The following ASL variants were observed in gnomAD, a reference collection of about 807,000 sequenced individuals.
The protein encoded by ASL is argininosuccinate lyase, also known as argininosuccinase.
A neutral mutation model predicts 69.1 loss-of-function variants in ASL; 51 were observed. The ratio of observed to expected loss-of-function variants is 0.74; its 90% CI spans 0.59 to 0.93. The LOEUF (loss-of-function observed/expected upper bound fraction) is 0.93. Among genes scored for constraint, ASL ranks in the 40% least tolerant of loss-of-function variants. The pLI is 0.00. For synonymous variants in ASL, 241 were observed against 247.6 expected (o/e 0.97, Z 0.25); for missense variants, 540 against 623.9 (o/e 0.87, Z 1.43).
intron 5 of ASL, 37 bp downstream of exon 5, chr7:66,082,973 C>G: frequency 1.2e-6 from 2 of 1,612,216 alleles, no homozygotes; most frequent in South Asian, 2.2e-5. Flanking sequence ...CCGTGTTGTC[C>G]CAACCTTGAG....
At chr7:66,081,247 C>T (rs1480635063) in intron 2 of ASL, among the ~76,000 whole-genome samples, 2 of 152,064 alleles carry the variant, frequency 1.3e-5, no homozygotes, top group East Asian at 3.9e-4. Context: ...CAGGCCCTGC[C>T]ATCATCTCCT....
At position 66,092,233 on chromosome 7, in the gene ASL, C is replaced by T. The variant is rs536133759; in HGVS notation, c.1143+147C>T. 1,416 of 921,686 alleles carry T rather than the reference C, an allele frequency of 1.5e-3. 25 individuals carry two copies. Among genetic ancestry groups the T allele is most frequent in the South Asian group, 0.014 (972 of 68,194 alleles). The allele number at this position is 921,686 out of a possible 1,614,324, so 57.1% of individuals were successfully genotyped here. ...TTGGGAAGCCGAGGTGGGCGGGTCA[C>T]TTGAGGCCAGGAGTTCGAGACCAGC... On this transcript the variant is annotated intron_variant, in intron 15 of 16. Coordinates refer to ENST00000304874, the MANE Select transcript of ASL (RefSeq NM_000048.4).
rs1786756422 is a variant in ASL at position 66,089,022 on chromosome 7, G to A, written c.834-69G>A. The A allele has an allele frequency of 2.5e-6, 4 of 1,610,748 alleles. No individual in the cohort carries two copies. The East Asian group carries it at 8.9e-5, about 36-fold the overall frequency. ...TCCTCCCCGTCCCACCCCTCCGCCA[G>A]ACCTGGCCATTGCGGCGCTGGACCA... On this transcript the variant is annotated intron_variant, in intron 11 of 16. Coordinates refer to ENST00000304874, the MANE Select transcript of ASL (RefSeq NM_000048.4).
At chr7:66,077,497 G>GGT (rs201866861) in intron 2 of ASL, among the ~76,000 whole-genome samples, 1,835 of 152,278 alleles carry the variant, frequency 0.012, 16 homozygotes, top group Middle Eastern at 0.041. Flanking sequence ...GGGAGGTCGA[G>GGT]GTGGGCAGAT....
intron 14 of ASL, among the ~76,000 whole-genome samples, chr7:66,091,121 G>A (rs1167408): frequency 0.65 from 94,223 of 145,678 alleles, 30,978 homozygotes; most frequent in African/African-American, 0.75. Flanking sequence ...AAAAAAAAAG[G>A]CAGTGTTTCT....
intron 2 of ASL, among the ~76,000 whole-genome samples, chr7:66,077,708 G>T (rs1344975214): frequency 2.6e-5 from 4 of 151,964 alleles, no homozygotes; most frequent in Non-Finnish European, 5.9e-5. Context: ...CAGCCTGGGC[G>T]ACAAAGCAAG....
intron 2 of ASL, among the ~76,000 whole-genome samples, 160 bp downstream of exon 2, chr7:66,076,253 C>A (rs1275470801): frequency 2.6e-5 from 4 of 152,200 alleles, no homozygotes; most frequent in African/African-American, 9.6e-5. Flanking sequence ...GGCGCATCAT[C>A]TGGAGCCCAG....
chr7:66,082,777 G>C lies in ASL; in HGVS notation c.292-103G>C, dbSNP rs1343480820. 6 of 1,383,748 alleles carry C rather than the reference G, an allele frequency of 4.3e-6. No homozygotes were observed. The East Asian group carries it at 9.5e-5, about 22-fold the overall frequency. 85.7% of individuals were successfully genotyped at this position (1,383,748 alleles called of 1,614,324 possible). On this transcript the variant is annotated intron_variant, in intron 4 of 16. Coordinates refer to ENST00000304874, the MANE Select transcript of ASL (RefSeq NM_000048.4). ...GATTTGGGGAGGACCCGGAGCCCTG[G>C]GGTATGGAGGTAGGTTGGCAGGGCT... is the stretch of plus-strand genomic sequence containing the variant.
intron 10 of ASL, 81 bp downstream of exon 10, chr7:66,087,872 C>T: frequency 6.5e-7 from 1 of 1,543,480 alleles, no homozygotes; most frequent in Admixed American, 1.7e-5. Context: ...TCCTCCCACA[C>T]CTCCACGGAC....
At chr7:66,092,115 G>A (rs1327881707) in intron 15 of ASL, 29 bp downstream of exon 15, 2 of 1,605,596 alleles carry the variant, frequency 1.2e-6, no homozygotes, top group East Asian at 2.2e-5. Context: ...GGGGGAGGGT[G>A]AGGAGATGGG....
intron 1 of ASL, 57 bp downstream of exon 1, chr7:66,075,913 G>A: frequency 1.3e-6 from 1 of 798,674 alleles, no homozygotes. Flanking sequence ...GAGCACCGTG[G>A]CGCGCGCTCA....
In ASL at chr7:66,092,486, G is replaced by A. The variant is rs1042901519; in HGVS notation, c.1144-71G>A. ...GAAAAAAAAAAAAAAAAGGAAGGGG[G>A]TGCAGGCAATGGAGGCAGATCAGGG... is the stretch of plus-strand genomic sequence containing the variant. On this transcript the variant is annotated intron_variant, in intron 15 of 16. Transcript: ENST00000304874. The A allele has an allele frequency of 1.5e-5, 21 of 1,361,830 alleles. No individual in the cohort carries two copies. The East Asian group carries it at 4.6e-4, about 30-fold the overall frequency. 84.4% of individuals were successfully genotyped at this position (1,361,830 alleles called of 1,614,324 possible). A position where few individuals can be genotyped will look rare whatever the true frequency, so the allele number is the denominator to read the frequency against.
At chr7:66,092,740 C>T in intron 16 of ASL, 28 bp from the exon 17 acceptor site, 2 of 1,613,770 alleles carry the variant, frequency 1.2e-6, no homozygotes, top group Non-Finnish European at 1.7e-6. Context: ...GGCCTGGCGC[C>T]CTGGCCCACC....
intron 9 of ASL, 140 bp from the exon 10 acceptor site, chr7:66,087,589 C>A: frequency 1.0e-6 from 1 of 996,810 alleles, no homozygotes; most frequent in Non-Finnish European, 1.5e-6. Flanking sequence ...CTCCTGCCTC[C>A]CTCCTGGGAC....
rs1038746184 is a variant in ASL at position 66,091,062 on chromosome 7, C to T, written c.1063-944C>T. Among the ~76,000 whole-genome samples the T allele has an allele frequency of 5.5e-5, 8 of 145,282 alleles. No homozygotes were observed. The South Asian group carries it at 6.8e-4, about 12-fold the overall frequency. On this transcript the variant is annotated intron_variant, in intron 14 of 16. Transcript: ENST00000304874. ...GCAGTGAGCAGAGATCACGCCACTG[C>T]GCTCCAGCCTGTGTGACAGTGCAAG...
Position 66,076,027 on chromosome 7 carries a change from C to T in ASL, c.-43-12C>T. 1 of 1,574,404 alleles carries T rather than the reference C, an allele frequency of 6.4e-7. No homozygotes were observed. The highest frequency in any genetic ancestry group is 8.6e-7 in the Non-Finnish European group (1 of 1,160,232). On this transcript the variant is annotated splice_polypyrimidine_tract_variant and intron_variant, in intron 1 of 16. Coordinates refer to ENST00000304874, the MANE Select transcript of ASL (RefSeq NM_000048.4). ...TGGCCAAGGAGGTCGTCAGTCCGGT[C>T]TTGTCTTCCAGACCCGGAGGACCGA... is the stretch of plus-strand genomic sequence containing the variant.
intron 6 of ASL, 142 bp downstream of exon 6, chr7:66,083,316 A>G: frequency 1.2e-6 from 1 of 853,718 alleles, no homozygotes; most frequent in East Asian, 2.7e-5. Context: ...ATCGAGGCAG[A>G]GCAGCCAGGA....
Position 66,086,750 on chromosome 7 carries a change from C to T in ASL, c.531C>T (p.Ala177=), listed in dbSNP as rs201974677. ...TGCCCCTGGCTTCCCACAGCCACGC[C>T]GTGGCACTGACCCGAGACTCTGAGC... ...IRWSHWILSH[A]VALTRDSERL... is the part of the protein sequence containing the mutation. The change falls in exon 8 of 17, where the codon GCC becomes GCT. Residue 177 remains alanine, a synonymous_variant. Transcript: ENST00000304874. The T allele has an allele frequency of 2.8e-5, 45 of 1,605,752 alleles. No individual in the cohort carries two copies. Among genetic ancestry groups the T allele is most frequent in the Admixed American group, 5.1e-5 (3 of 58,610 alleles).
chr7:66,086,544 C>T (rs1294778666), intron 6 of ASL, 41 bp from the exon 7 acceptor site: 1 of 1,607,132 alleles, frequency 6.2e-7, no homozygotes, highest in East Asian at 2.2e-5. Flanking sequence ...GCAGGCCTTG[C>T]ATGAGCCTCC....
Sources: gnomAD v4.1 joint callset for allele counts (sites outside exome capture counted in the v4.1 genomes callset) on GRCh38, gnomAD v4.1.1 for gene constraint, MANE v1.5 for transcripts, NCBI Gene and HGNC (gene_info 2026-07-23, HGNC 2026-07-21) for gene names.